Variants in TUSC3 observed in about 807,000 individuals in gnomAD.
The protein encoded by TUSC3 is tumor suppressor candidate 3, also known as dolichyl-diphosphooligosaccharide--protein glycosyltransferase subunit TUSC3.
TUSC3 carries 45 observed loss-of-function variants against 44.8 expected under a neutral mutation model. That is an observed-to-expected ratio of 1.00 (90% CI 0.79 to 1.29). TUSC3 has a LOEUF of 1.29. Ranked by LOEUF, TUSC3 falls within the 50% of genes most tolerant of loss-of-function variation. The pLI is 0.00. For synonymous variants in TUSC3, 212 were observed against 152.9 expected, an observed-to-expected ratio of 1.39 and a Z score of -2.85; for missense variants, 519 against 437.9, an observed-to-expected ratio of 1.19 and a Z score of -1.65.
In TUSC3 at chr8:15,488,420, T is replaced by A. The variant is rs866908397; in HGVS notation, n.189+4937T>A. 2.0e-4 allele frequency among the ~76,000 whole-genome samples: 30 copies of A among 152,198 alleles called. No individual in the cohort carries two copies. In the Middle Eastern group the frequency reaches 0.014, roughly 69 times the overall value. On this transcript the variant is annotated intron_variant and non_coding_transcript_variant, in intron 2 of 5. Coordinates refer to the TUSC3 transcript ENST00000503191. ...AGGAGACTGAGGCTGGAGGATTGCTTGAGCCCAGGAGGCCAAGGCTGCAGT... is the reference window on the plus strand; with the variant it reads ...AGGAGACTGAGGCTGGAGGATTGCTAGAGCCCAGGAGGCCAAGGCTGCAGT...
intron 2 of TUSC3, 53 bp downstream of exon 2, chr8:15,623,302 A>T: frequency 6.8e-7 from 1 of 1,468,000 alleles, no homozygotes; most frequent in Non-Finnish European, 9.1e-7. Flanking sequence ...GTTTACATAT[A>T]TATTTTTATG....
intron 10 of TUSC3, among the ~76,000 whole-genome samples, chr8:15,762,864 C>T (rs891893216): frequency 6.6e-6 from 1 of 150,690 alleles, no homozygotes; most frequent in Non-Finnish European, 1.5e-5. Flanking sequence ...GATTGAACAG[C>T]AACTACAGCT....
At position 15,497,159 on chromosome 8, in the gene TUSC3, C is replaced by T. The variant is rs562921231; in HGVS notation, n.189+13676C>T. Among the ~76,000 whole-genome samples the T allele has an allele frequency of 1.4e-4, 22 of 152,160 alleles. No individual in the cohort carries two copies. In the South Asian group the frequency reaches 4.6e-3, roughly 32 times the overall value. The stretch of plus-strand genomic sequence containing the variant: ...GGTGGTTGTCGTTTCAAATTAATGG[C>T]GTATTCTTGGTAAGCATCTCTGAGA... On this transcript the variant is annotated intron_variant and non_coding_transcript_variant, in intron 2 of 5. Transcript: ENST00000503191.
At chr8:15,421,244 C>G (rs1199352746) in intron 1 of TUSC3, among the ~76,000 whole-genome samples, 1 of 152,162 alleles carries the variant, frequency 6.6e-6, no homozygotes, top group Non-Finnish European at 1.5e-5. Context: ...TCATCTCATT[C>G]AAAGTAAAAG....
chr8:15,456,695 G>A (rs1413093686), intron 1 of TUSC3, among the ~76,000 whole-genome samples: 2 of 151,976 alleles, frequency 1.3e-5, no homozygotes, highest in Non-Finnish European at 2.9e-5. Flanking sequence ...CATTCATATG[G>A]ATAAAGACAA....
chr8:15,710,887 A>G (rs1395880561), intron 6 of TUSC3, among the ~76,000 whole-genome samples: 1 of 142,934 alleles, frequency 7.0e-6, no homozygotes, highest in African/African-American at 2.8e-5. Flanking sequence ...ATAATATAAA[A>G]TATATATATA....
chr8:15,607,278 C>G (rs1275216004), intron 1 of TUSC3, among the ~76,000 whole-genome samples: 2 of 151,992 alleles, frequency 1.3e-5, no homozygotes, highest in Non-Finnish European at 2.9e-5. Flanking sequence ...AGGCACCGGC[C>G]TGGTCACTGG....
At chr8:15,820,443 C>CT in the TUSC3 span, among the ~76,000 whole-genome samples, 430 of 151,942 alleles carry the variant, frequency 2.8e-3, 11 homozygotes, top group East Asian at 0.075. Context: ...CCTCAGCCTC[C>CT]TGATAAGCTG....
intron 1 of TUSC3, among the ~76,000 whole-genome samples, chr8:15,592,432 A>ATGG (rs1373998677): frequency 6.6e-6 from 1 of 152,166 alleles, no homozygotes; most frequent in East Asian, 1.9e-4. Flanking sequence ...TGTTTGGGTC[A>ATGG]TGGTGGTGGA....
chr8:15,443,339 TGTGTGTGTGTGTG>T (rs1800046101), intron 1 of TUSC3, among the ~76,000 whole-genome samples: 1 of 33,114 alleles, frequency 3.0e-5, no homozygotes, highest in African/African-American at 1.0e-4. Context: ...CACCTAATTG[TGTGTGTGTGTGTG>T]TGTGTGTGTG....
chr8:15,809,625 A>G, the TUSC3 span, among the ~76,000 whole-genome samples: 2 of 152,192 alleles, frequency 1.3e-5, no homozygotes, highest in South Asian at 2.1e-4. Context: ...CAATAATAAA[A>G]CAGAATAATT....
chr8:15,477,603 T>G (rs1034383497), intron 1 of TUSC3, among the ~76,000 whole-genome samples: 4 of 151,998 alleles, frequency 2.6e-5, no homozygotes, highest in African/African-American at 9.7e-5. Flanking sequence ...GTGGCTGTAG[T>G]CCCAGCTACT....
At chr8:15,807,267 C>T in the TUSC3 span, 2 of 602,558 alleles carry the variant, frequency 3.3e-6, no homozygotes, top group South Asian at 1.7e-5. Context: ...CTTTGCTTGT[C>T]TAAAGATGGT....
Position 15,444,106 on chromosome 8 carries a change from C to A in TUSC3, n.91+26801C>A, listed in dbSNP as rs1188216927. ...CTATTGCGATTCCCCTGTCTAGTGT[C>A]CAGTGCTAATTTTTGTATTATATTC... On this transcript the variant is annotated intron_variant and non_coding_transcript_variant, in intron 1 of 5. Transcript: ENST00000503191. Among the ~76,000 whole-genome samples, 4 of 152,186 alleles carry A rather than the reference C, an allele frequency of 2.6e-5. No homozygotes were observed. In the East Asian group the frequency reaches 7.7e-4, roughly 29 times the overall value.
the TUSC3 span, among the ~76,000 whole-genome samples, chr8:15,797,233 G>C: frequency 1.3e-5 from 2 of 152,168 alleles, no homozygotes; most frequent in African/African-American, 2.4e-5. Context: ...GTTGGTTTGG[G>C]CCCTATGCAA....
intron 1 of TUSC3, among the ~76,000 whole-genome samples, chr8:15,423,974 T>TG (rs780186989): frequency 0.22 from 12,552 of 57,220 alleles, 1,622 homozygotes; most frequent in Non-Finnish European, 0.23. Context: ...GCTTTGTTTT[T>TG]TTTTTTTTTT....
upstream of TUSC3, chr8:15,540,206 T>C (rs1801627907): frequency 1.2e-5 from 7 of 570,934 alleles, no homozygotes; most frequent in East Asian, 2.5e-4. Context: ...CACGCCCACT[T>C]CCTGCCCCCA....
At chr8:15,572,211 T>C (rs1215551735) in intron 1 of TUSC3, among the ~76,000 whole-genome samples, 1 of 152,202 alleles carries the variant, frequency 6.6e-6, no homozygotes, top group Non-Finnish European at 1.5e-5. Context: ...TCAATTATGC[T>C]AGCTAAATCT....
intron 6 of TUSC3, among the ~76,000 whole-genome samples, chr8:15,675,847 C>T (rs2129184072): frequency 6.6e-6 from 1 of 152,246 alleles, no homozygotes; most frequent in South Asian, 2.1e-4. Flanking sequence ...GGATGGACAC[C>T]TCAGTTGCTT....
Sources: gnomAD v4.1 joint callset for allele counts (sites outside exome capture counted in the v4.1 genomes callset) on GRCh38, gnomAD v4.1.1 for gene constraint, MANE v1.5 for transcripts, NCBI Gene and HGNC (gene_info 2026-07-23, HGNC 2026-07-21) for gene names.